Variants in KCNJ16 observed in about 807,000 individuals in gnomAD.
KCNJ16 encodes inward rectifier potassium channel 16.
Under a neutral mutation model 18.5 loss-of-function variants are expected in KCNJ16, and 15 were observed. That is an observed-to-expected ratio of 0.81 (90% confidence interval 0.54 to 1.25). The LOEUF (loss-of-function observed/expected upper bound fraction) is 1.25. KCNJ16 is among the 50% of genes most tolerant of loss of function. The pLI is 0.00. For synonymous variants in KCNJ16, 174 were observed against 186.5 expected (o/e 0.93, Z 0.55); for missense variants, 523 against 525.7 (o/e 0.99, Z 0.05).
At chr17:70,119,577 G>A (rs2073548524) in intron 2 of KCNJ16, among the ~76,000 whole-genome samples, 1 of 152,196 alleles carries the variant, frequency 6.6e-6, no homozygotes, top group Non-Finnish European at 1.5e-5. Flanking sequence ...AGTCACCGAG[G>A]ATTATGGCTT....
chr17:70,118,326 T>C (rs1370196373), intron 2 of KCNJ16, among the ~76,000 whole-genome samples: 1 of 151,754 alleles, frequency 6.6e-6, no homozygotes, highest in Non-Finnish European at 1.5e-5. Flanking sequence ...GGTTCATGGG[T>C]GCAGCAAACC....
Position 70,108,587 on chromosome 17 carries a change from C to G in KCNJ16, c.-191+7821C>G, listed in dbSNP as rs1425012374. 2.0e-5 allele frequency among the ~76,000 whole-genome samples: 3 copies of G among 152,172 alleles called. No individual in the cohort carries two copies. In the East Asian group the frequency reaches 5.8e-4, roughly 29 times the overall value. ...CCACTGTCACTTTTGAAGGAGGGTC[C>G]TGTTCCACTCCTTCATCACTATAGT... On this transcript the variant is annotated intron_variant, in intron 2 of 3. Coordinates refer to ENST00000392671, the MANE Select transcript of KCNJ16 (RefSeq NM_170741.4).
In KCNJ16 at chr17:70,130,893, G is replaced by T. The variant is rs2074032041; in HGVS notation, c.-176G>T. On this transcript the variant is annotated 5_prime_UTR_variant, in exon 3 of 4. It removes an upstream start codon present in the reference 5' UTR. Transcript: ENST00000392671. ...GTTTTGCACAGGAGTAACTCAAGAT[G>T]ATTTTGATGTTGCAGTTTTAAATTT... is the stretch of plus-strand genomic sequence containing the variant. 7.4e-7 allele frequency: 1 copy of T among 1,358,538 alleles called. No individual in the cohort carries two copies. The highest frequency in any genetic ancestry group is 2.0e-5 in the Admixed American group (1 of 50,702). 84.2% of individuals were successfully genotyped at this position (1,358,538 alleles called of 1,614,324 possible).
At chr17:70,121,553 A>AC (rs1483588103) in intron 2 of KCNJ16, among the ~76,000 whole-genome samples, 1 of 152,200 alleles carries the variant, frequency 6.6e-6, no homozygotes, top group Non-Finnish European at 1.5e-5. Flanking sequence ...CAATCTGCTT[A>AC]CCATACAGAT....
rs147231908 is a variant in KCNJ16, at chr17:70,115,152, A to G, written c.-191+14386A>G. Among the ~76,000 whole-genome samples, 34 of 152,286 alleles carry G rather than the reference A, an allele frequency of 2.2e-4. 1 individual carries two copies. The East Asian group carries it at 4.1e-3, about 18-fold the overall frequency. ...CTTAAGGTCTCAATCTTCAAAATGC[A>G]TAAGAATCAATTGAGGACCAATCAA... On this transcript the variant is annotated intron_variant, in intron 2 of 3. Coordinates refer to ENST00000392671, the MANE Select transcript of KCNJ16 (RefSeq NM_170741.4).
At chr17:70,102,400 G>C (rs922911018) in intron 2 of KCNJ16, among the ~76,000 whole-genome samples, 1 of 151,294 alleles carries the variant, frequency 6.6e-6, no homozygotes, top group Non-Finnish European at 1.5e-5. Flanking sequence ...GCTAATTTTT[G>C]TATCTTTAGT....
intron 1 of KCNJ16, among the ~76,000 whole-genome samples, chr17:70,086,500 T>C (rs1035538421): frequency 1.1e-4 from 16 of 152,220 alleles, no homozygotes; most frequent in Admixed American, 3.9e-4. Context: ...GCTGTTAAGA[T>C]TGTTTACAGA....
chr17:70,113,586 C>A (rs9891433), intron 2 of KCNJ16, among the ~76,000 whole-genome samples: 13,063 of 152,166 alleles, frequency 0.086, 1,886 homozygotes, highest in African/African-American at 0.3. Flanking sequence ...ATCATGGTTT[C>A]AGGGAAAAGT....
intron 1 of KCNJ16, among the ~76,000 whole-genome samples, chr17:70,095,870 CTTTTTTT>C (rs147216245): frequency 2.6e-4 from 25 of 95,380 alleles, no homozygotes; most frequent in African/African-American, 8.3e-4. Flanking sequence ...TTACTTAATC[CTTTTTTT>C]TTTTTTTTTT....
chr17:70,111,804 T>C (rs1293556736), intron 2 of KCNJ16, among the ~76,000 whole-genome samples: 1 of 152,132 alleles, frequency 6.6e-6, no homozygotes, highest in Non-Finnish European at 1.5e-5. Flanking sequence ...TTGGCTCTCA[T>C]TCTCTCTTGC....
At chr17:70,120,287 C>T (rs2073579656) in intron 2 of KCNJ16, among the ~76,000 whole-genome samples, 1 of 152,252 alleles carries the variant, frequency 6.6e-6, no homozygotes, top group Admixed American at 6.5e-5. Context: ...CTAAGCAATT[C>T]CAAACTTTCC....
At chr17:70,115,922 T>C (rs1215400778) in intron 2 of KCNJ16, among the ~76,000 whole-genome samples, 1 of 152,224 alleles carries the variant, frequency 6.6e-6, no homozygotes, top group Non-Finnish European at 1.5e-5. Flanking sequence ...TATTTATAGC[T>C]GCCTTTTAAA....
chr17:70,118,212 T>TAAG (rs71149822), intron 2 of KCNJ16, among the ~76,000 whole-genome samples: 34,080 of 151,672 alleles, frequency 0.22, 4,521 homozygotes, highest in African/African-American at 0.38. Flanking sequence ...AAGAAAACAA[T>TAAG]AACACAGGGA....
rs542973311 is a variant in KCNJ16 at position 70,078,245 on chromosome 17, C to T, written c.-300+2855C>T. On this transcript the variant is annotated intron_variant, in intron 1 of 3. Coordinates refer to ENST00000392671, the MANE Select transcript of KCNJ16 (RefSeq NM_170741.4). The stretch of plus-strand genomic sequence containing the variant: ...AGTTGCCATGGCTCCACATTCTCCC[C>T]CTCCTAAAACTAGATCTGAAACTGC... Among the ~76,000 whole-genome samples, 10 of 152,198 alleles carry T rather than the reference C, an allele frequency of 6.6e-5. No homozygotes were observed. The South Asian group carries it at 2.1e-3, about 32-fold the overall frequency.
intron 2 of KCNJ16, among the ~76,000 whole-genome samples, chr17:70,125,753 A>G (rs1414862334): frequency 6.6e-6 from 1 of 152,168 alleles, no homozygotes; most frequent in African/African-American, 2.4e-5. Context: ...ACATGGTGAA[A>G]CCCCATCTCT....
chr17:70,081,287 A>T (rs1235295275), intron 1 of KCNJ16, among the ~76,000 whole-genome samples: 1 of 152,164 alleles, frequency 6.6e-6, no homozygotes, highest in Non-Finnish European at 1.5e-5. Context: ...CTAAGACATG[A>T]TTTACACACA....
chr17:70,076,283 G>T (rs1229334680), intron 1 of KCNJ16, among the ~76,000 whole-genome samples: 1 of 152,046 alleles, frequency 6.6e-6, no homozygotes, highest in East Asian at 1.9e-4. Context: ...ATGCACCTTT[G>T]TTACTTTAGT....
At position 70,132,692 on chromosome 17, in the gene KCNJ16, G is replaced by T. The variant is rs142348698; in HGVS notation, c.605G>T (p.Arg202Leu). ...GATGGGAAGCTTTGCCTCATGTGGCGCATTGGTGATTTTCGGCCAAACCAC... is the reference window on the plus strand; with the variant it reads ...GATGGGAAGCTTTGCCTCATGTGGCTCATTGGTGATTTTCGGCCAAACCAC... ...MRDGKLCLMW[R>L]IGDFRPNHVV... is the part of the protein sequence containing the mutation. Residue 202 changes from arginine (R) to leucine (L), a missense_variant, in exon 4 of 4, where the codon CGC (arginine) becomes CTC (leucine). Transcript: ENST00000392671. 7.0e-5 allele frequency: 113 copies of T among 1,614,148 alleles called. No individual in the cohort carries two copies. Among genetic ancestry groups the T allele is most frequent in the Non-Finnish European group, 8.8e-5 (104 of 1,180,038 alleles).
At chr17:70,099,519 T>C (rs545762122) in intron 1 of KCNJ16, among the ~76,000 whole-genome samples, 1 of 151,956 alleles carries the variant, frequency 6.6e-6, no homozygotes, top group African/African-American at 2.4e-5. Context: ...CATTTAGGGG[T>C]GAATGAGGTC....
Sources: gnomAD v4.1 joint callset for allele counts (sites outside exome capture counted in the v4.1 genomes callset) on GRCh38, gnomAD v4.1.1 for gene constraint, MANE v1.5 for transcripts, NCBI Gene and HGNC (gene_info 2026-07-23, HGNC 2026-07-21) for gene names.